Variants in ADA observed in about 807,000 individuals in gnomAD.
ADA encodes adenosine aminohydrolase.
A neutral mutation model predicts 49.0 loss-of-function variants in ADA; 45 were observed. The observed-to-expected ratio is 0.92, with a 90% CI of 0.72 to 1.18. ADA has a LOEUF of 1.18. Among genes scored for constraint, ADA ranks in the 50% most tolerant of loss-of-function variants. The pLI is 0.00. For synonymous variants in ADA, 173 were observed against 184.2 expected (o/e 0.94, Z 0.49); for missense variants, 445 against 472.5 (o/e 0.94, Z 0.54).
intron 4 of ADA, chr20:44,626,221 A>T: frequency 1.6e-6 from 1 of 626,988 alleles, no homozygotes; most frequent in Non-Finnish European, 2.8e-6. Flanking sequence ...CTGTGGCCAG[A>T]GCAAGACACA....
At chr20:44,641,464 G>GCA (rs142176233) in intron 1 of ADA, among the ~76,000 whole-genome samples, 12,478 of 152,226 alleles carry the variant, frequency 0.082, 668 homozygotes, top group East Asian at 0.16. Flanking sequence ...CTTGGAGGGG[G>GCA]CAGGACGTGC....
chr20:44,637,650 G>A (rs1466455285), intron 1 of ADA, among the ~76,000 whole-genome samples: 1 of 152,144 alleles, frequency 6.6e-6, no homozygotes. Flanking sequence ...CTGGCCCAAG[G>A]GCGTCTAGGA....
chr20:44,639,098 G>A (rs2065507878), intron 1 of ADA, among the ~76,000 whole-genome samples: 1 of 152,216 alleles, frequency 6.6e-6, no homozygotes, highest in Admixed American at 6.5e-5. Flanking sequence ...AGCACACAGA[G>A]GCCATTGCAG....
At chr20:44,629,605 A>ATCACAATT (rs1337633895) in intron 2 of ADA, among the ~76,000 whole-genome samples, 1 of 152,224 alleles carries the variant, frequency 6.6e-6, no homozygotes, top group Non-Finnish European at 1.5e-5. Context: ...TAACTGCAGC[A>ATCACAATT]TCACAATTCC....
Position 44,629,110 on chromosome 20 carries a change from A to C in ADA, c.155T>G (p.Met52Arg), listed in dbSNP as rs934757654. ...TAEGLLNVIG[M>R]DKPLTLPDFL... ...GTCTGGAAGGGTGAGCGGCTTGTCCATGCCAATGACGTTCAGCAGCCCCTC... is the reference window on the plus strand; with the variant it reads ...GTCTGGAAGGGTGAGCGGCTTGTCCCTGCCAATGACGTTCAGCAGCCCCTC... The change falls in exon 3 of 12, where the codon ATG (methionine) becomes AGG (arginine). Residue 52 changes from methionine to arginine, a missense_variant. Transcript: ENST00000372874. 5 of 1,614,098 alleles carry C rather than the reference A, an allele frequency of 3.1e-6. No homozygotes were observed. The South Asian group carries it at 3.3e-5, about 11-fold the overall frequency.
rs371305751 is a variant in ADA, at chr20:44,621,094, A to C, written c.899T>G (p.Phe300Cys). 66 of 1,614,064 alleles carry C rather than the reference A, an allele frequency of 4.1e-5. No homozygotes were observed. Among genetic ancestry groups the C allele is most frequent in the Non-Finnish European group, 5.4e-5 (64 of 1,180,048 alleles). ...GTAATCAGTGTCCAGGGTGGACTTG[A>C]AGATGAGCGGGTCATCTGTGTTGAG... is the stretch of plus-strand genomic sequence containing the variant. The part of the protein sequence containing the change: ...YSLNTDDPLI[F>C]KSTLDTDYQM... Residue 300 changes from phenylalanine to cysteine, a missense_variant, in exon 10 of 12, where the codon TTC becomes TGC. Transcript: ENST00000372874.
chr20:44,626,337 T>C (rs2065381836), intron 4 of ADA, 119 bp downstream of exon 4: 1 of 1,432,544 alleles, frequency 7.0e-7, no homozygotes, highest in Non-Finnish European at 9.7e-7. Flanking sequence ...TGGACCAGAC[T>C]GGGGGCAAGA....
chr20:44,634,766 G>A (rs1389750706), intron 2 of ADA, among the ~76,000 whole-genome samples: 3 of 152,240 alleles, frequency 2.0e-5, no homozygotes, highest in Non-Finnish European at 2.9e-5. Context: ...GGAGTTGGTG[G>A]AGATGCTCCC....
intron 1 of ADA, among the ~76,000 whole-genome samples, chr20:44,640,666 CA>C (rs35863085): frequency 0.73 from 99,544 of 136,228 alleles, 36,743 homozygotes; most frequent in Middle Eastern, 0.87. Context: ...AACTCCACCT[CA>C]AAAAAAAAAA....
chr20:44,620,301 G>A lies in ADA; in HGVS notation c.1076C>T (p.Ala359Val), dbSNP rs1568841793. The change falls in exon 11 of 12, where the codon GCA becomes GTA. Residue 359 changes from alanine to valine, a missense_variant and splice_region_variant. Physicochemically the swap from Ala to Val is moderately conservative, Grantham distance 64. Transcript: ENST00000372874. ...KAYGMPPSAS[A>V]GQNL Reference sequence around the variant, plus strand: ...CAGAAGCCCAGACAGGAACCTACCTGCAGAGGCTGAAGGTGGCATCCCATA... The same window carrying A: ...CAGAAGCCCAGACAGGAACCTACCTACAGAGGCTGAAGGTGGCATCCCATA... 3 of 1,613,192 alleles carry A rather than the reference G, an allele frequency of 1.9e-6. No homozygotes were observed. Among genetic ancestry groups the A allele is most frequent in the Non-Finnish European group, 2.5e-6 (3 of 1,179,206 alleles).
chr20:44,629,061 G>A lies in ADA; in HGVS notation c.204C>T (p.Tyr68=), dbSNP rs770020454. Residue 68 remains tyrosine (Y), a synonymous_variant, in exon 3 of 12, where the codon TAC becomes TAT. Coordinates refer to ENST00000372874, the MANE Select transcript of ADA (RefSeq NM_000022.4). ...GGGCAACTCACGCGATAGCAGGCAT[G>A]TAGTAGTCAAACTTGGCCAGGAAGT... ...LPDFLAKFDY[Y]MPAIAGCREA... The A allele has an allele frequency of 6.2e-7, 1 of 1,614,214 alleles. No homozygotes were observed.
chr20:44,625,835 G>A (rs1469756790), intron 4 of ADA, 151 bp from the exon 5 acceptor site: 4 of 670,384 alleles, frequency 6.0e-6, no homozygotes, highest in Non-Finnish European at 5.2e-6. Context: ...TGGCAGAGAT[G>A]CCCCCAGGCC....
chr20:44,646,444 C>T (rs2065592416), intron 1 of ADA, among the ~76,000 whole-genome samples: 1 of 139,184 alleles, frequency 7.2e-6, no homozygotes, highest in Admixed American at 7.4e-5. Context: ...GGTTTTGTGT[C>T]AGGAAGACAA....
Position 44,622,815 on chromosome 20 carries a change from C to G in ADA, c.780+14G>C. On this transcript the variant is annotated intron_variant, in intron 8 of 11. Coordinates refer to ENST00000372874, the MANE Select transcript of ADA (RefSeq NM_000022.4). ...AGCCGGGGATGGTTCCTCCCCACTC[C>G]CTGGCCCGCTTACCTCGAAGTGCAT... 1.2e-6 allele frequency: 2 copies of G among 1,614,246 alleles called. No individual in the cohort carries two copies. Among genetic ancestry groups the G allele is most frequent in the Non-Finnish European group, 1.7e-6 (2 of 1,180,040 alleles).
chr20:44,629,291 G>T (rs2065411682), intron 2 of ADA, 122 bp from the exon 3 acceptor site: 1 of 1,419,580 alleles, frequency 7.0e-7, no homozygotes, highest in Non-Finnish European at 9.6e-7. Context: ...GGAGACATGG[G>T]CGTCTCTCAG....
rs780014431 is a variant in ADA, at chr20:44,625,623, G to A, written c.424C>T (p.Arg142Ter). Residue 142 changes from arginine (R) to a stop codon, truncating the protein, a stop_gained, in exon 5 of 12, where the codon CGA becomes TGA. Transcript: ENST00000372874. LOFTEE classifies it high-confidence loss of function. ...LVGQGLQEGE[R>*]DFGVKARSIL... ...GACCGGGCCTTGACCCCGAAGTCTC[G>A]CTCCCCCTCCTGCAGGCCCTGGCCC... The A allele has an allele frequency of 2.3e-5, 37 of 1,585,090 alleles. No homozygotes were observed. The highest frequency in any genetic ancestry group is 6.9e-5 in the South Asian group (6 of 86,904).
intron 1 of ADA, among the ~76,000 whole-genome samples, chr20:44,648,803 C>A (rs2065616344): frequency 6.6e-6 from 1 of 152,042 alleles, no homozygotes; most frequent in South Asian, 2.1e-4. Flanking sequence ...TTCCTGGGAG[C>A]TGGTCAGCAG....
intron 1 of ADA, among the ~76,000 whole-genome samples, chr20:44,640,568 T>TG (rs2065522741): frequency 6.6e-6 from 1 of 151,166 alleles, no homozygotes; most frequent in Admixed American, 6.6e-5. Flanking sequence ...CTCAGGAGGC[T>TG]GAGGCAGGAG....
intron 2 of ADA, among the ~76,000 whole-genome samples, chr20:44,631,517 T>C (rs2065432993): frequency 6.6e-6 from 1 of 152,162 alleles, no homozygotes; most frequent in Non-Finnish European, 1.5e-5. Flanking sequence ...TGGGAACTGC[T>C]GGGTAGAAGG....
Sources: gnomAD v4.1 joint callset for allele counts (sites outside exome capture counted in the v4.1 genomes callset) on GRCh38, gnomAD v4.1.1 for gene constraint, MANE v1.5 for transcripts, NCBI Gene and HGNC (gene_info 2026-07-23, HGNC 2026-07-21) for gene names.